The following ADARB2 variants were observed in gnomAD, a reference collection of about 807,000 sequenced individuals.
ADARB2 encodes adenosine deaminase RNA specific B2 (inactive).
A neutral mutation model predicts 62.2 loss-of-function variants in ADARB2; 25 were observed. The observed-to-expected ratio is 0.40, with a 90% CI of 0.29 to 0.56. The LOEUF is 0.56. ADARB2 is among the 20% of genes least tolerant of loss of function. ADARB2 has a pLI of 0.43. For missense variants in ADARB2, 1,071 were observed against 1,077.4 expected, an observed-to-expected ratio of 0.99 and a Z score of 0.08; for synonymous variants, 572 against 500.8, an observed-to-expected ratio of 1.14 and a Z score of -1.90.
chr10:1,197,869 A>T (rs1836931634), intron 8 of ADARB2, among the ~76,000 whole-genome samples: 1 of 152,226 alleles, frequency 6.6e-6, no homozygotes, highest in African/African-American at 2.4e-5. Flanking sequence ...ATATATCCTC[A>T]GCTTGGTGGA....
At chr10:1,387,105 ATAGT>A (rs1333925784) in intron 1 of ADARB2, among the ~76,000 whole-genome samples, 1 of 151,956 alleles carries the variant, frequency 6.6e-6, no homozygotes, top group Admixed American at 6.6e-5. Flanking sequence ...TTTGTGAAAC[ATAGT>A]TAAAGCAATG....
chr10:1,489,365 C>T (rs778758553), intron 1 of ADARB2, among the ~76,000 whole-genome samples: 3 of 152,128 alleles, frequency 2.0e-5, no homozygotes, highest in African/African-American at 7.2e-5. Context: ...TTCAGCAAGG[C>T]GTGACCGTGC....
chr10:1,737,265 C>T lies in ADARB2; in HGVS notation c.-115G>A. On this transcript the variant is annotated 5_prime_UTR_variant, in exon 1 of 10. Coordinates refer to ENST00000381312, the MANE Select transcript of ADARB2 (RefSeq NM_018702.4). ...AAGCTTGAGGTTGCAAACCCGGGAG[C>T]GGCTCACTTTTCAGGACTGAGCAGG... 2 of 1,070,616 alleles carry T rather than the reference C, an allele frequency of 1.9e-6. No individual in the cohort carries two copies. The highest frequency in any genetic ancestry group is 2.4e-5 in the East Asian group (1 of 40,972). 66.3% of individuals were successfully genotyped at this position (1,070,616 alleles called of 1,614,324 possible). A position where few individuals can be genotyped will look rare whatever the true frequency, so the allele number is the denominator to read the frequency against.
intron 1 of ADARB2, among the ~76,000 whole-genome samples, chr10:1,647,386 C>A (rs558547372): frequency 6.6e-6 from 1 of 151,332 alleles, no homozygotes; most frequent in Non-Finnish European, 1.5e-5. Flanking sequence ...TATATGTATG[C>A]GTATACATGT....
chr10:1,228,533 G>A (rs1830768081), intron 6 of ADARB2, among the ~76,000 whole-genome samples: 1 of 152,218 alleles, frequency 6.6e-6, no homozygotes, highest in Non-Finnish European at 1.5e-5. Context: ...GACACACACA[G>A]CATGTTCTCC....
chr10:1,715,912 G>C (rs1203553637), intron 1 of ADARB2, among the ~76,000 whole-genome samples: 2 of 152,160 alleles, frequency 1.3e-5, no homozygotes, highest in Non-Finnish European at 2.9e-5. Flanking sequence ...AGGGAATGCT[G>C]CCTGCAGGTG....
chr10:1,710,515 C>T (rs1834938148), intron 1 of ADARB2, among the ~76,000 whole-genome samples: 1 of 152,204 alleles, frequency 6.6e-6, no homozygotes, highest in South Asian at 2.1e-4. Flanking sequence ...CCTGGGAATC[C>T]AGCCTGCACT....
chr10:1,582,273 C>T (rs1833114438), intron 1 of ADARB2, among the ~76,000 whole-genome samples: 1 of 152,154 alleles, frequency 6.6e-6, no homozygotes. Context: ...CCTGCGTTAC[C>T]TGCTGGTGGC....
intron 1 of ADARB2, among the ~76,000 whole-genome samples, chr10:1,688,606 C>T (rs899797240): frequency 1.3e-5 from 2 of 152,204 alleles, no homozygotes; most frequent in Admixed American, 1.3e-4. Flanking sequence ...CGCCCCCCGC[C>T]TGGCCTTCTG....
At chr10:1,735,677 G>T (rs1232506640) in intron 1 of ADARB2, among the ~76,000 whole-genome samples, 1 of 152,150 alleles carries the variant, frequency 6.6e-6, no homozygotes, top group Non-Finnish European at 1.5e-5. Context: ...AAAGTGAATC[G>T]CAAGCGCACA....
chr10:1,713,170 G>A (rs925240469), intron 1 of ADARB2, among the ~76,000 whole-genome samples: 6 of 152,216 alleles, frequency 3.9e-5, no homozygotes, highest in African/African-American at 1.4e-4. Flanking sequence ...GGGTGCCGGC[G>A]AGGGGACCGC....
chr10:1,513,841 GT>G (rs1831970601), intron 1 of ADARB2, among the ~76,000 whole-genome samples: 2 of 152,028 alleles, frequency 1.3e-5, no homozygotes, highest in Non-Finnish European at 2.9e-5. Flanking sequence ...GCCTCTTACT[GT>G]TCAACTCTCC....
At chr10:1,350,195 T>C (rs1004498537) in intron 3 of ADARB2, among the ~76,000 whole-genome samples, 2 of 152,194 alleles carry the variant, frequency 1.3e-5, no homozygotes, top group African/African-American at 4.8e-5. Flanking sequence ...ATTCTTGTCG[T>C]AAAATAGGCA....
chr10:1,401,436 C>T (rs1021002038), intron 1 of ADARB2, among the ~76,000 whole-genome samples: 2 of 152,190 alleles, frequency 1.3e-5, no homozygotes, highest in Admixed American at 6.5e-5. Context: ...CACACGGGTA[C>T]CCCCGGTTCC....
intron 3 of ADARB2, among the ~76,000 whole-genome samples, chr10:1,326,664 C>A (rs561878015): frequency 6.6e-6 from 1 of 151,228 alleles, no homozygotes; most frequent in East Asian, 1.9e-4. Context: ...GAATGTTAAA[C>A]CCATAGGGCT....
Position 1,674,948 on chromosome 10 carries a change from T to TGGGTTTG in ADARB2, c.100+62102_100+62103insCAAACCC, listed in dbSNP as rs1834442724. 3 of 883,794 alleles carry TGGGTTTG rather than the reference T, an allele frequency of 3.4e-6. No homozygotes were observed. In the East Asian group the frequency reaches 4.2e-4, roughly 123 times the overall value. 54.7% of individuals were successfully genotyped at this position (883,794 alleles called of 1,614,324 possible). A position where few individuals can be genotyped will look rare whatever the true frequency, so the allele number is the denominator to read the frequency against. ...CATGGATGTTCTGGAGGTTTGGGTT[T>TGGGTTTG]GGGGGTACACGGATATTCTGGAGGT... On this transcript the variant is annotated intron_variant, in intron 1 of 9. Transcript: ENST00000381312.
At chr10:1,481,052 A>G (rs781587020) in intron 1 of ADARB2, among the ~76,000 whole-genome samples, 2 of 152,254 alleles carry the variant, frequency 1.3e-5, no homozygotes, top group Non-Finnish European at 2.9e-5. Flanking sequence ...TCCTGACTTC[A>G]CTTCCTGACT....
intron 3 of ADARB2, among the ~76,000 whole-genome samples, chr10:1,349,841 C>T (rs1050476243): frequency 4.6e-5 from 7 of 152,234 alleles, no homozygotes; most frequent in African/African-American, 1.7e-4. Context: ...TGTCTGATCT[C>T]CGTGGGGAAG....
intron 1 of ADARB2, among the ~76,000 whole-genome samples, chr10:1,492,165 C>A (rs150272065): frequency 6.6e-6 from 1 of 152,070 alleles, no homozygotes. Flanking sequence ...GAACAATAAG[C>A]GCCACACAGA....
Sources: gnomAD v4.1 joint callset for allele counts (sites outside exome capture counted in the v4.1 genomes callset) on GRCh38, gnomAD v4.1.1 for gene constraint, MANE v1.5 for transcripts, NCBI Gene and HGNC (gene_info 2026-07-23, HGNC 2026-07-21) for gene names.